The following FES variants were observed in gnomAD, a reference collection of about 807,000 sequenced individuals.
The protein encoded by FES is FES proto-oncogene, tyrosine kinase.
In FES, 83 loss-of-function variants were observed where a neutral mutation model predicts 109.6. The ratio of observed to expected loss-of-function variants is 0.76; its 90% CI spans 0.63 to 0.91. The LOEUF is 0.91. Ranked by LOEUF, FES falls within the 40% of genes least tolerant of loss-of-function variation. The pLI is 0.00. For synonymous variants in FES, 458 were observed against 442.1 expected (o/e 1.04, Z -0.45); for missense variants, 943 against 1,070.9 (o/e 0.88, Z 1.67).
In FES at chr15:90,889,693, T is replaced by C; in HGVS notation, c.926+57T>C. 6.2e-7 allele frequency: 1 copy of C among 1,608,064 alleles called. No individual in the cohort carries two copies. Among genetic ancestry groups the C allele is most frequent in the Non-Finnish European group, 8.5e-7 (1 of 1,179,078 alleles). On this transcript the variant is annotated intron_variant, in intron 7 of 18. Transcript: ENST00000328850. The surrounding 1 kb of genome is among the most constrained non-coding windows in gnomAD (Gnocchi z 6.1). ...GGGGCTCCCAGCAGACCACGAGTGTTTATGTAGGCAGGGCTAGGTCGTGGA... is the reference window on the plus strand; with the variant it reads ...GGGGCTCCCAGCAGACCACGAGTGTCTATGTAGGCAGGGCTAGGTCGTGGA...
At position 90,887,228 on chromosome 15, in the gene FES, C is replaced by T. The variant is rs1189245913; in HGVS notation, c.526C>T (p.Leu176=). Residue 176 remains leucine, a synonymous_variant, in exon 5 of 19, where the codon CTG becomes TTG. Transcript: ENST00000328850. Reference sequence around the variant, plus strand: ...GGCTAAGGACAAGTATGTGCGCAGCCTGTGGAAGCTCTTTGCTCACCACAA... The same window carrying T: ...GGCTAAGGACAAGTATGTGCGCAGCTTGTGGAAGCTCTTTGCTCACCACAA... ...DKAKDKYVRS[L]WKLFAHHNRY... 1.9e-6 allele frequency: 3 copies of T among 1,613,506 alleles called. No homozygotes were observed. The highest frequency in any genetic ancestry group is 1.6e-4 in the Middle Eastern group (1 of 6,084).
chr15:90,889,778 C>G lies in FES; in HGVS notation c.927-62C>G. Reference sequence around the variant, plus strand: ...GCTTGCTTGGCTCTACAGGGATGCACTGGACCTGGGTTGAGGGGGCAGGAG... The same window carrying G: ...GCTTGCTTGGCTCTACAGGGATGCAGTGGACCTGGGTTGAGGGGGCAGGAG... On this transcript the variant is annotated intron_variant, in intron 7 of 18. Coordinates refer to ENST00000328850, the MANE Select transcript of FES (RefSeq NM_002005.4). The surrounding 1 kb of genome is among the most constrained non-coding windows in gnomAD (Gnocchi z 6.1). 1 of 1,608,916 alleles carries G rather than the reference C, an allele frequency of 6.2e-7. No individual in the cohort carries two copies. Among genetic ancestry groups the G allele is most frequent in the Non-Finnish European group, 8.5e-7 (1 of 1,177,508 alleles).
In FES at chr15:90,893,916, C is replaced by T. The variant is rs201000339; in HGVS notation, c.2204-20C>T. On this transcript the variant is annotated intron_variant, in intron 17 of 18. Transcript: ENST00000328850. ...GGGAGGGTGCACTCACGCTGCCTCA[C>T]CTCCTCGCCTCCTCTGCAGGCCGCT... is the stretch of plus-strand genomic sequence containing the variant. 5 of 1,613,228 alleles carry T rather than the reference C, an allele frequency of 3.1e-6. No individual in the cohort carries two copies. The highest frequency in any genetic ancestry group is 2.7e-5 in the African/African-American group (2 of 75,062).
chr15:90,884,835 C>T (rs2032398202), intron 1 of FES: 1 of 563,800 alleles, frequency 1.8e-6, no homozygotes, highest in African/African-American at 1.9e-5. Flanking sequence ...GCGGAGGAGA[C>T]CCTGACGCTA....
chr15:90,888,365 C>A (rs758103646), intron 5 of FES, among the ~76,000 whole-genome samples: 4 of 152,206 alleles, frequency 2.6e-5, no homozygotes, highest in Non-Finnish European at 4.4e-5. Context: ...CCTCTGCCTC[C>A]CAAAGTGCCG....
intron 11 of FES, 96 bp from the exon 12 acceptor site, chr15:90,891,458 C>T (rs757632334): frequency 6.5e-7 from 1 of 1,542,694 alleles, no homozygotes; most frequent in East Asian, 2.2e-5. Flanking sequence ...TGGTCCTGGG[C>T]AGGCCCTTTC....
intron 3 of FES, among the ~76,000 whole-genome samples, chr15:90,886,332 A>G (rs2032618029): frequency 6.6e-6 from 1 of 152,256 alleles, no homozygotes; most frequent in Admixed American, 6.5e-5. Flanking sequence ...AGAGTTGAGT[A>G]ATTGTGACAG....
intron 2 of FES, 66 bp from the exon 3 acceptor site, chr15:90,885,346 T>A: frequency 6.3e-7 from 1 of 1,597,140 alleles, no homozygotes; most frequent in Non-Finnish European, 8.5e-7. Context: ...TGGCTGGAGA[T>A]CTGGCAGGCC....
In FES at chr15:90,893,754, T is replaced by A; in HGVS notation, c.2146T>A (p.Ser716Thr). ...REEADGVYAA[S>T]GGLRQVPVKW... ...GGAAGCCGATGGGGTCTATGCAGCC[T>A]CAGGGGGCCTCAGACAAGTCCCCGT... The change falls in exon 17 of 19, where the codon TCA (serine) becomes ACA (threonine). Residue 716 changes from serine (S) to threonine (T), a missense_variant. Physicochemically the swap from Ser to Thr is moderately conservative, Grantham distance 58. Transcript: ENST00000328850. The A allele has an allele frequency of 6.2e-7, 1 of 1,609,306 alleles. No individual in the cohort carries two copies.
At chr15:90,885,706 G>C in intron 3 of FES, 121 bp downstream of exon 3, 1 of 1,448,044 alleles carries the variant, frequency 6.9e-7, no homozygotes, top group Non-Finnish European at 9.1e-7. Context: ...CGCAGGCCTG[G>C]CTTGCTCTAA....
In FES at chr15:90,889,955, C is replaced by T. The variant is rs371311890; in HGVS notation, c.1042C>T (p.Arg348Trp). The change falls in exon 8 of 19, where the codon CGG becomes TGG. Residue 348 changes from arginine (R) to tryptophan (W), a missense_variant. Arg to Trp is a moderately radical substitution (Grantham distance 101, BLOSUM62 -3). Transcript: ENST00000328850. This position sits in a 1 kb window ranked among gnomAD's most constrained non-coding sequence, Gnocchi z 6.1. ...LRNEEENTHP[R>W]ERVQLLGKRQ... ...GAATGAAGAGGAGAACACCCACCCCCGGGAGCGGTGAGTGGGCCCCTGCCT... is the reference window on the plus strand; with the variant it reads ...GAATGAAGAGGAGAACACCCACCCCTGGGAGCGGTGAGTGGGCCCCTGCCT... 2.7e-5 allele frequency: 43 copies of T among 1,613,120 alleles called. No homozygotes were observed. Among genetic ancestry groups the T allele is most frequent in the Middle Eastern group, 1.6e-4 (1 of 6,062 alleles).
In FES at chr15:90,885,227, G is replaced by C. The variant is rs1288171111; in HGVS notation, c.182G>C (p.Arg61Pro). 6.2e-7 allele frequency: 1 copy of C among 1,613,204 alleles called. No individual in the cohort carries two copies. Among genetic ancestry groups the C allele is most frequent in the Non-Finnish European group, 8.5e-7 (1 of 1,179,980 alleles). The change falls in exon 2 of 19, where the codon CGG (arginine) becomes CCG (proline). Residue 61 changes from arginine (R) to proline (P), a missense_variant. By Grantham distance (103) the Arg-to-Pro change is moderately radical. Coordinates refer to ENST00000328850, the MANE Select transcript of FES (RefSeq NM_002005.4). ...MSLQDSGGQS[R>P]AISPDSPISQ... ...CTGCAGGACAGTGGGGGCCAGAGCC[G>C]GGCCATCAGCCCTGACAGCCCCATC...
Position 90,895,468 on chromosome 15 carries a change from G to A in FES, c.2379G>A (p.Met793Ile), listed in dbSNP as rs770654191. 3.1e-6 allele frequency: 5 copies of A among 1,591,252 alleles called. No homozygotes were observed. ...ELCPDAVFRLMEQCWAYEPGQ... is the reference protein window; with the variant it reads ...ELCPDAVFRLIEQCWAYEPGQ... Reference sequence around the variant, plus strand: ...GTCCTGATGCCGTGTTCAGGCTCATGGAGCAGTGCTGGGCCTATGAGCCTG... The same window carrying A: ...GTCCTGATGCCGTGTTCAGGCTCATAGAGCAGTGCTGGGCCTATGAGCCTG... The change falls in exon 19 of 19, where the codon ATG (methionine) becomes ATA (isoleucine). Residue 793 changes from methionine (M) to isoleucine (I), a missense_variant. Physicochemically the swap from Met to Ile is conservative, Grantham distance 10 (BLOSUM62 1). Coordinates refer to ENST00000328850, the MANE Select transcript of FES (RefSeq NM_002005.4).
intron 10 of FES, 74 bp downstream of exon 10, chr15:90,890,558 G>A (rs911508053): frequency 2.4e-5 from 33 of 1,368,000 alleles, no homozygotes; most frequent in African/African-American, 2.3e-4. Context: ...TAGAGAGGAG[G>A]CTCTGCCCAG....
In FES at chr15:90,891,165, C is replaced by A; in HGVS notation, c.1504C>A (p.Arg502=). ...VLSVLWDGLP[R]HFIIQSLDNL... ...GTCGGTGCTGTGGGATGGTCTGCCC[C>A]GGCACTTCATCATCCAGTCCTTGGA... The change falls in exon 11 of 19, where the codon CGG becomes AGG. Residue 502 remains arginine (R), a synonymous_variant. Transcript: ENST00000328850. 6.4e-7 allele frequency: 1 copy of A among 1,562,850 alleles called. No individual in the cohort carries two copies. The highest frequency in any genetic ancestry group is 2.4e-5 in the East Asian group (1 of 42,426).
At chr15:90,893,606 TG>T (rs755868503) in intron 16 of FES, 47 bp from the exon 17 acceptor site, 37 of 1,530,330 alleles carry the variant, frequency 2.4e-5, no homozygotes, top group Non-Finnish European at 3.0e-5. Flanking sequence ...CAGCCAGGGC[TG>T]GGCAGGCGAC....
Position 90,895,758 on chromosome 15 carries a change from A to G in FES, c.*200A>G. ...TCCTCTTCCGGGCAGAAACAATAAA[A>G]CCACTTGTGCCCACTGAACACTCCT... On this transcript the variant is annotated 3_prime_UTR_variant, in exon 19 of 19. Transcript: ENST00000328850. The G allele has an allele frequency of 2.1e-6, 1 of 465,470 alleles. No homozygotes were observed. Among genetic ancestry groups the G allele is most frequent in the Non-Finnish European group, 3.8e-6 (1 of 266,448 alleles). 28.8% of individuals were successfully genotyped at this position (465,470 alleles called of 1,614,324 possible).
intron 3 of FES, among the ~76,000 whole-genome samples, chr15:90,885,795 T>C (rs1164941411): frequency 6.6e-6 from 1 of 152,188 alleles, no homozygotes; most frequent in Non-Finnish European, 1.5e-5. Context: ...TTTCTGTGCC[T>C]GGGCAAAGTG....
chr15:90,889,284 G>T lies in FES; in HGVS notation c.669-22G>T. 6.2e-7 allele frequency: 1 copy of T among 1,611,730 alleles called. No homozygotes were observed. The highest frequency in any genetic ancestry group is 8.5e-7 in the Non-Finnish European group (1 of 1,179,264). On this transcript the variant is annotated intron_variant, in intron 5 of 18. Transcript: ENST00000328850. The surrounding 1 kb of genome is among the most constrained non-coding windows in gnomAD (Gnocchi z 6.1). ...TGCCCAGCCTGAGGCTCCCCTGACT[G>T]GGGATCCCGTCTCGGGGGCAGGAAG...
Sources: gnomAD v4.1 joint callset for allele counts (sites outside exome capture counted in the v4.1 genomes callset) on GRCh38, gnomAD v4.1.1 for gene constraint, Gnocchi (gnomAD v3.1) non-coding constraint, MANE v1.5 for transcripts, NCBI Gene and HGNC (gene_info 2026-07-23, HGNC 2026-07-21) for gene names.